LHFPL3: variants seen among roughly 807,000 people sequenced by gnomAD.
The protein encoded by LHFPL3 is LHFPL tetraspan subfamily member 3 protein.
In LHFPL3, 5 loss-of-function variants were observed where a neutral mutation model predicts 19.3. The observed-to-expected ratio is 0.26, with a 90% CI of 0.14 to 0.54. The LOEUF is 0.54. LHFPL3 is among the 20% of genes least tolerant of loss of function. The pLI, the probability that LHFPL3 is intolerant of heterozygous loss-of-function variation, is 0.94. For synonymous variants in LHFPL3, 133 were observed against 126.2 expected (o/e 1.05, Z -0.36); for missense variants, 249 against 307.4 (o/e 0.81, Z 1.42).
chr7:104,455,241 CAT>C (rs757332193), intron 1 of LHFPL3, among the ~76,000 whole-genome samples: 2 of 152,184 alleles, frequency 1.3e-5, no homozygotes, highest in African/African-American at 4.8e-5. Flanking sequence ...GGTGATGAGG[CAT>C]ATTAATTGAA....
At chr7:104,785,636 C>T (rs1789898143) in intron 2 of LHFPL3, 1 of 152,194 alleles carries the variant, frequency 6.6e-6, no homozygotes, top group Non-Finnish European at 1.5e-5. Context: ...ACTGGCTGTC[C>T]AAACCCTGTG....
intron 1 of LHFPL3, among the ~76,000 whole-genome samples, chr7:104,590,585 T>C (rs1268247299): frequency 6.6e-6 from 1 of 152,208 alleles, no homozygotes; most frequent in Non-Finnish European, 1.5e-5. Flanking sequence ...AGAATGTATA[T>C]TCTGTTGATC....
At chr7:104,568,871 A>T (rs1217420766) in intron 1 of LHFPL3, among the ~76,000 whole-genome samples, 2 of 152,176 alleles carry the variant, frequency 1.3e-5, no homozygotes, top group Non-Finnish European at 2.9e-5. Context: ...TAAATTTCCC[A>T]TGACTGGGCT....
At chr7:104,388,179 A>G (rs960689101) in intron 1 of LHFPL3, among the ~76,000 whole-genome samples, 1 of 151,914 alleles carries the variant, frequency 6.6e-6, no homozygotes, top group African/African-American at 2.4e-5. Flanking sequence ...TCTTTATCCA[A>G]TCCACTGTTG....
intron 1 of LHFPL3, among the ~76,000 whole-genome samples, chr7:104,449,605 A>G: frequency 6.6e-6 from 1 of 152,338 alleles, no homozygotes; most frequent in Admixed American, 6.5e-5. Flanking sequence ...ATATGAATTA[A>G]TAGTGGCTTA....
At chr7:104,402,699 G>C (rs1281763072) in intron 1 of LHFPL3, among the ~76,000 whole-genome samples, 8 of 152,154 alleles carry the variant, frequency 5.3e-5, no homozygotes, top group African/African-American at 1.9e-4. Context: ...TGGTCTTAGG[G>C]CTTTCCTTAT....
intron 1 of LHFPL3, among the ~76,000 whole-genome samples, chr7:104,635,958 T>C (rs967424694): frequency 3.9e-5 from 6 of 152,160 alleles, no homozygotes; most frequent in African/African-American, 1.4e-4. Context: ...TGTTAGAGGT[T>C]GTAGGAAAGA....
In LHFPL3 at chr7:104,622,492, T is replaced by C. The variant is rs556218726; in HGVS notation, c.446-114183T>C. Among the ~76,000 whole-genome samples, 8 of 152,308 alleles carry C rather than the reference T, an allele frequency of 5.3e-5. No homozygotes were observed. In the East Asian group the frequency reaches 1.5e-3, roughly 29 times the overall value. On this transcript the variant is annotated intron_variant, in intron 1 of 2. Transcript: ENST00000424859. ...AACTGACATATTTGAAGTGTACAAT[T>C]CAATGCTCTTTAATATATTCATAGA... is the stretch of plus-strand genomic sequence containing the variant.
rs866322092 is a variant in LHFPL3 at position 104,417,884 on chromosome 7, C to T, written c.445+88660C>T. Among the ~76,000 whole-genome samples, 1,327 of 117,666 alleles carry T rather than the reference C, an allele frequency of 0.011. 68 individuals carry two copies. In the East Asian group the frequency reaches 0.15, roughly 13 times the overall value. 77.2% of individuals were successfully genotyped at this position (117,666 alleles called of 152,430 possible). A position where few individuals can be genotyped will look rare whatever the true frequency, so the allele number is the denominator to read the frequency against. On this transcript the variant is annotated intron_variant, in intron 1 of 2. Coordinates refer to ENST00000424859, the MANE Select transcript of LHFPL3 (RefSeq NM_199000.3). The stretch of plus-strand genomic sequence containing the variant: ...TCTTCTTCTTCTTCTTCTTCTTCTT[C>T]TTTTTTTTTTTTTTTTGAGATGGGG...
chr7:104,832,994 TATATATTATATATATATATTATATATA>T (rs1790987130), intron 2 of LHFPL3, among the ~76,000 whole-genome samples: 1 of 23,372 alleles, frequency 4.3e-5, no homozygotes, highest in Non-Finnish European at 8.8e-5. Flanking sequence ...TTATAGGACA[TATATATTATATATATATATTATATATA>T]ATAGATATAT....
At chr7:104,349,367 G>A (rs1790133333) in intron 1 of LHFPL3, among the ~76,000 whole-genome samples, 1 of 152,104 alleles carries the variant, frequency 6.6e-6, no homozygotes, top group African/African-American at 2.4e-5. Flanking sequence ...TAAGAAAAAT[G>A]TATAAAATCT....
chr7:104,768,242 C>T (rs6971932), intron 2 of LHFPL3, among the ~76,000 whole-genome samples: 142,562 of 152,124 alleles, frequency 0.94, 66,848 homozygotes, highest in East Asian at 0.99. Flanking sequence ...ATGTCGTTTG[C>T]AAGTACAGTG....
intron 1 of LHFPL3, among the ~76,000 whole-genome samples, chr7:104,730,241 T>A (rs958649800): frequency 1.3e-5 from 2 of 152,118 alleles, no homozygotes; most frequent in South Asian, 4.2e-4. Flanking sequence ...ATGATTTATA[T>A]TCCTTTGGGT....
chr7:104,663,274 A>G (rs1667089359), intron 1 of LHFPL3, among the ~76,000 whole-genome samples: 1 of 152,250 alleles, frequency 6.6e-6, no homozygotes, highest in African/African-American at 2.4e-5. Flanking sequence ...CCTGAAAAAG[A>G]AAACACAACA....
chr7:104,609,131 G>A (rs1257185728), intron 1 of LHFPL3, among the ~76,000 whole-genome samples: 1 of 152,036 alleles, frequency 6.6e-6, no homozygotes. Flanking sequence ...CAGGCATGGT[G>A]GTGCGCACCT....
intron 1 of LHFPL3, among the ~76,000 whole-genome samples, chr7:104,641,027 G>A (rs1342370684): frequency 3.3e-5 from 5 of 152,266 alleles, no homozygotes; most frequent in Middle Eastern, 3.4e-3. Context: ...ACAGGTTTTC[G>A]TTTCCCAAGT....
At chr7:104,880,141 T>C (rs1792018755) in intron 2 of LHFPL3, among the ~76,000 whole-genome samples, 1 of 151,940 alleles carries the variant, frequency 6.6e-6, no homozygotes, top group African/African-American at 2.4e-5. Flanking sequence ...GTGTTGGAGG[T>C]GGGGCCTTAG....
At chr7:104,702,935 C>T (rs2116181471) in intron 1 of LHFPL3, among the ~76,000 whole-genome samples, 1 of 152,344 alleles carries the variant, frequency 6.6e-6, no homozygotes, top group South Asian at 2.1e-4. Context: ...CTGTCAATAA[C>T]AATCCTCCCC....
At chr7:104,581,002 C>G (rs1584415738) in intron 1 of LHFPL3, among the ~76,000 whole-genome samples, 1 of 151,766 alleles carries the variant, frequency 6.6e-6, no homozygotes, top group Non-Finnish European at 1.5e-5. Flanking sequence ...TTGTACAAGT[C>G]TTTTTGTGGA....
Sources: allele counts gnomAD v4.1 joint callset (sites outside exome capture counted in the v4.1 genomes callset), GRCh38; gene constraint gnomAD v4.1.1; transcripts MANE v1.5; gene names NCBI Gene and HGNC (gene_info 2026-07-23, HGNC 2026-07-21).